Variants in PCDHGA3 observed in about 807,000 individuals in gnomAD.
PCDHGA3 encodes the protein protocadherin gamma-A3.
A neutral mutation model predicts 58.5 loss-of-function variants in PCDHGA3; 40 were observed. The ratio of observed to expected loss-of-function variants is 0.68; its 90% CI spans 0.53 to 0.89. PCDHGA3 has a LOEUF of 0.89. Among genes scored for constraint, PCDHGA3 ranks in the 40% least tolerant of loss-of-function variants. PCDHGA3 has a pLI of 0.00. For missense variants in PCDHGA3, 1,223 were observed against 1,195.9 expected, an observed-to-expected ratio of 1.02 and a Z score of -0.33; for synonymous variants, 530 against 525.7, an observed-to-expected ratio of 1.01 and a Z score of -0.11.
At position 141,432,952 on chromosome 5, in the gene PCDHGA3, C is replaced by G. The variant is rs2097553312; in HGVS notation, c.2425-61855C>G. ...GCCTGCTGCAGGCTTCAGGAGGCGGCTTGACAGGAGCGCCGGCGTCGCACT... is the reference window on the plus strand; with the variant it reads ...GCCTGCTGCAGGCTTCAGGAGGCGGGTTGACAGGAGCGCCGGCGTCGCACT... On this transcript the variant is annotated intron_variant, in intron 1 of 3. Transcript: ENST00000253812. The surrounding 1 kb of genome is among the most constrained non-coding windows in gnomAD (Gnocchi z 6.0). 1 of 1,614,086 alleles carries G rather than the reference C, an allele frequency of 6.2e-7. No individual in the cohort carries two copies. Among genetic ancestry groups the G allele is most frequent in the South Asian group, 1.1e-5 (1 of 91,090 alleles).
At chr5:141,400,301 C>T in intron 1 of PCDHGA3, 3 of 1,614,084 alleles carry the variant, frequency 1.9e-6, no homozygotes, top group Non-Finnish European at 2.5e-6. Flanking sequence ...TGCTTCCAAC[C>T]TGGTCTCTGT....
At chr5:141,383,570 G>T in intron 1 of PCDHGA3, 2 of 1,613,234 alleles carry the variant, frequency 1.2e-6, no homozygotes, top group Non-Finnish European at 1.7e-6. Context: ...CCCCGATCCA[G>T]CACCGCCCAC....
At chr5:141,410,403 A>G (rs752705682) in intron 1 of PCDHGA3, 2 of 1,614,028 alleles carry the variant, frequency 1.2e-6, no homozygotes, top group Admixed American at 1.7e-5. Context: ...CTCTGTGTCA[A>G]GTCTGGACCT....
At chr5:141,379,378 A>G (rs1775559732) in intron 1 of PCDHGA3, 1 of 152,234 alleles carries the variant, frequency 6.6e-6, no homozygotes, top group African/African-American at 2.4e-5. Flanking sequence ...TTGATAAAAT[A>G]ACAATTTTAA....
intron 1 of PCDHGA3, chr5:141,409,464 C>G (rs1185218827): frequency 1.9e-6 from 3 of 1,613,940 alleles, no homozygotes; most frequent in Non-Finnish European, 1.7e-6. Context: ...TACAATGTCA[C>G]CATCGTAGCC....
chr5:141,496,959 G>C (rs1451127360), intron 2 of PCDHGA3, among the ~76,000 whole-genome samples: 2 of 151,894 alleles, frequency 1.3e-5, no homozygotes, highest in Non-Finnish European at 2.9e-5. Flanking sequence ...GCCAAGGTGG[G>C]TAGATCACTT....
chr5:141,479,572 T>G (rs956648090), intron 1 of PCDHGA3: 2 of 152,190 alleles, frequency 1.3e-5, no homozygotes, highest in African/African-American at 2.4e-5. Context: ...TGGGATGACA[T>G]CTGTGAATAG....
chr5:141,376,457 C>T (rs945491393), intron 1 of PCDHGA3: 1 of 1,614,214 alleles, frequency 6.2e-7, no homozygotes, highest in Non-Finnish European at 8.5e-7. Context: ...CGAGCCTCTT[C>T]TGATAACTCA....
chr5:141,475,731 C>T (rs991175739), intron 1 of PCDHGA3, among the ~76,000 whole-genome samples: 1 of 152,248 alleles, frequency 6.6e-6, no homozygotes, highest in African/African-American at 2.4e-5. Context: ...GGCTGGCTTT[C>T]CCTAAGGTAG....
At chr5:141,422,604 T>C in intron 1 of PCDHGA3, 1 of 1,614,030 alleles carries the variant, frequency 6.2e-7, no homozygotes, top group Non-Finnish European at 8.5e-7. Flanking sequence ...CCTCTTACTC[T>C]GCCTACATTC....
At position 141,362,271 on chromosome 5, in the gene PCDHGA3, C is replaced by A. The variant is rs183808051; in HGVS notation, c.2424+15814C>A. On this transcript the variant is annotated intron_variant, in intron 1 of 3. Coordinates refer to ENST00000253812, the MANE Select transcript of PCDHGA3 (RefSeq NM_018916.4). Reference sequence around the variant, plus strand: ...TCCTCGCGGTGATTCTGGCAATCTCCCTGCGCCTGCGACTCTCTTCCAGGT... The same window carrying A: ...TCCTCGCGGTGATTCTGGCAATCTCACTGCGCCTGCGACTCTCTTCCAGGT... 9.6e-4 allele frequency: 1,557 copies of A among 1,614,030 alleles called. 12 individuals carry two copies. The African/African-American group carries it at 0.01, about 10-fold the overall frequency.
chr5:141,509,595 C>T (rs968797923), intron 3 of PCDHGA3, among the ~76,000 whole-genome samples: 36 of 152,168 alleles, frequency 2.4e-4, no homozygotes, highest in African/African-American at 6.8e-4. Context: ...CTGGCAATTC[C>T]GAGAGGCTGC....
At chr5:141,455,244 T>A (rs977940552) in intron 1 of PCDHGA3, among the ~76,000 whole-genome samples, 4 of 152,142 alleles carry the variant, frequency 2.6e-5, no homozygotes, top group Non-Finnish European at 4.4e-5. Flanking sequence ...TTAAAGGTCA[T>A]AGTACAATCG....
intron 1 of PCDHGA3, chr5:141,398,904 C>T: frequency 6.2e-7 from 1 of 1,613,930 alleles, no homozygotes; most frequent in Non-Finnish European, 8.5e-7. Context: ...CACCAGGCAC[C>T]ACTGTGTTGC....
chr5:141,434,547 A>G (rs1277148299), intron 1 of PCDHGA3, among the ~76,000 whole-genome samples: 1 of 152,232 alleles, frequency 6.6e-6, no homozygotes, highest in East Asian at 1.9e-4. Context: ...AGCATGAGTG[A>G]TCTGTGCCTT....
intron 1 of PCDHGA3, chr5:141,351,487 G>A: frequency 6.2e-7 from 1 of 1,613,946 alleles, no homozygotes; most frequent in Non-Finnish European, 8.5e-7. Flanking sequence ...TAAACCGGGA[G>A]CAGACAGCAG....
At chr5:141,378,810 A>G (rs920121754) in intron 1 of PCDHGA3, 1 of 152,256 alleles carries the variant, frequency 6.6e-6, no homozygotes, top group Non-Finnish European at 1.5e-5. Context: ...TGCAAACAGA[A>G]TCATTGTTTC....
At chr5:141,471,786 A>G (rs1043196530) in intron 1 of PCDHGA3, among the ~76,000 whole-genome samples, 6 of 152,244 alleles carry the variant, frequency 3.9e-5, no homozygotes, top group African/African-American at 1.4e-4. Flanking sequence ...ACATTATGCT[A>G]TGTCATATAA....
intron 1 of PCDHGA3, among the ~76,000 whole-genome samples, chr5:141,435,561 T>A (rs2154556722): frequency 6.6e-6 from 1 of 152,294 alleles, no homozygotes; most frequent in South Asian, 2.1e-4. Flanking sequence ...TGAGTGCTTT[T>A]TTTAGTACTG....
Sources: allele counts gnomAD v4.1 joint callset (sites outside exome capture counted in the v4.1 genomes callset), GRCh38; gene constraint gnomAD v4.1.1; non-coding constraint Gnocchi (gnomAD v3.1); transcripts MANE v1.5; gene names NCBI Gene and HGNC (gene_info 2026-07-23, HGNC 2026-07-21).